RFC3: variants seen among roughly 807,000 people sequenced by gnomAD.
The protein encoded by RFC3 is A1 38 kDa subunit.
RFC3 carries 41 observed loss-of-function variants against 45.1 expected under a neutral mutation model. The observed-to-expected ratio is 0.91, with a 90% confidence interval of 0.71 to 1.18. RFC3 has a LOEUF of 1.18. Ranked by LOEUF, RFC3 falls within the 50% of genes most tolerant of loss-of-function variation. The probability of loss-of-function intolerance (pLI) is 0.00; values close to 1 mark genes in which losing one functional copy is unlikely to be tolerated. For missense variants in RFC3, 423 were observed against 428.1 expected (o/e 0.99, Z 0.10); for synonymous variants, 149 against 144.0 (o/e 1.03, Z -0.25).
At chr13:33,890,136 T>C (rs368981261) in intron 8 of RFC3, among the ~76,000 whole-genome samples, 1 of 152,250 alleles carries the variant, frequency 6.6e-6, no homozygotes, top group South Asian at 2.1e-4. Context: ...TCCGAGGGTG[T>C]TGAGGTTCAG....
chr13:33,939,393 G>A (rs753117961), intron 8 of RFC3, among the ~76,000 whole-genome samples: 13 of 152,082 alleles, frequency 8.5e-5, no homozygotes, highest in African/African-American at 3.1e-4. Context: ...TGACAGTGAG[G>A]CTCAGAGAGC....
At chr13:33,855,966 A>C (rs889875196) in intron 8 of RFC3, among the ~76,000 whole-genome samples, 1 of 152,112 alleles carries the variant, frequency 6.6e-6, no homozygotes, top group Non-Finnish European at 1.5e-5. Context: ...GAAGCTCTTT[A>C]GTTTAATTAG....
chr13:33,941,575 T>G (rs977256188), intron 8 of RFC3, among the ~76,000 whole-genome samples: 1 of 152,210 alleles, frequency 6.6e-6, no homozygotes, highest in African/African-American at 2.4e-5. Flanking sequence ...ATATATACTT[T>G]TATTGTCTTT....
the RFC3 span, among the ~76,000 whole-genome samples, chr13:33,971,787 A>G: frequency 6.6e-6 from 1 of 152,210 alleles, no homozygotes; most frequent in Non-Finnish European, 1.5e-5. Context: ...TCTCTTTAAT[A>G]GTTATGTAAG....
chr13:33,882,680 G>C (rs1367843679), intron 8 of RFC3, among the ~76,000 whole-genome samples: 1 of 152,140 alleles, frequency 6.6e-6, no homozygotes, highest in Non-Finnish European at 1.5e-5. Flanking sequence ...TGTGGTTTAA[G>C]CCACCCAATC....
At chr13:33,890,019 T>G (rs973139934) in intron 8 of RFC3, among the ~76,000 whole-genome samples, 10 of 152,190 alleles carry the variant, frequency 6.6e-5, no homozygotes, top group Non-Finnish European at 1.2e-4. Context: ...CGGTCCTGAC[T>G]TCATGGACCC....
At chr13:33,819,844 A>G (rs2081985371) in intron 1 of RFC3, among the ~76,000 whole-genome samples, 1 of 152,226 alleles carries the variant, frequency 6.6e-6, no homozygotes, top group African/African-American at 2.4e-5. Flanking sequence ...TAATCAAACT[A>G]TGAAACATTT....
chr13:33,973,055 A>C, the RFC3 span, among the ~76,000 whole-genome samples: 5 of 152,274 alleles, frequency 3.3e-5, no homozygotes, highest in Non-Finnish European at 7.4e-5. Context: ...ATAGAAAATA[A>C]CACAAATTAT....
chr13:33,964,749 G>A (rs2083077450), intron 8 of RFC3, among the ~76,000 whole-genome samples: 1 of 152,114 alleles, frequency 6.6e-6, no homozygotes. Flanking sequence ...AAAAATATAG[G>A]TCTATGTCCA....
intron 8 of RFC3, among the ~76,000 whole-genome samples, chr13:33,861,011 G>A (rs1426830850): frequency 2.6e-5 from 4 of 152,022 alleles, no homozygotes; most frequent in South Asian, 2.1e-4. Context: ...TGATCCTCCC[G>A]CCTCAGCCTC....
intron 8 of RFC3, among the ~76,000 whole-genome samples, chr13:33,926,081 C>G (rs2082810353): frequency 6.6e-6 from 1 of 151,490 alleles, no homozygotes. Context: ...AATTGGAAAT[C>G]ATCATTCTCA....
At chr13:33,869,981 T>G (rs747253071) in intron 8 of RFC3, among the ~76,000 whole-genome samples, 56 of 152,190 alleles carry the variant, frequency 3.7e-4, no homozygotes, top group Non-Finnish European at 7.6e-4. Flanking sequence ...TTATCCTTGT[T>G]TGGTGGTTCC....
intron 8 of RFC3, chr13:33,850,184 C>T (rs2082267434): frequency 6.6e-6 from 1 of 151,990 alleles, no homozygotes. Context: ...TTTTCCATTT[C>T]TCACCAGTTT....
intron 8 of RFC3, among the ~76,000 whole-genome samples, chr13:33,936,322 G>A (rs1281022885): frequency 6.6e-6 from 1 of 152,102 alleles, no homozygotes; most frequent in African/African-American, 2.4e-5. Context: ...GATCCTAGGG[G>A]TGGATTTGTA....
At position 33,868,691 on chromosome 13, in the gene RFC3, G is replaced by A. The variant is rs2082388936; in HGVS notation, c.879+33474G>A. Among the ~76,000 whole-genome samples the A allele has an allele frequency of 2.6e-5, 4 of 152,350 alleles. No homozygotes were observed. In the South Asian group the frequency reaches 8.3e-4, roughly 32 times the overall value. Reference sequence around the variant, plus strand: ...ATTCTGTAACCAGTGCTCTTGAGTGGCTTGCTGGAGCCTGCTCCCACTCTG... The same window carrying A: ...ATTCTGTAACCAGTGCTCTTGAGTGACTTGCTGGAGCCTGCTCCCACTCTG... On this transcript the variant is annotated intron_variant, in intron 8 of 8. Transcript: ENST00000434425.
At chr13:33,844,364 A>G (rs1337592370) in intron 8 of RFC3, among the ~76,000 whole-genome samples, 1 of 152,010 alleles carries the variant, frequency 6.6e-6, no homozygotes, top group Non-Finnish European at 1.5e-5. Context: ...CCACCTTCCA[A>G]TTGTTGATTA....
chr13:33,835,213 T>C lies in RFC3; in HGVS notation c.875T>C (p.Met292Thr). ...CATTGTATTCCTCCTGAGATAATAATGAAGGTAACCCAATTTCAGATCTTG... is the reference window on the plus strand; with the variant it reads ...CATTGTATTCCTCCTGAGATAATAACGAAGGTAACCCAATTTCAGATCTTG... ...LTHCIPPEII[M>T]KGLLSELLHN... Residue 292 changes from methionine (M) to threonine (T), a missense_variant, in exon 8 of 9, where the codon ATG becomes ACG. Met to Thr is a moderately conservative substitution (Grantham distance 81). Coordinates refer to ENST00000380071, the MANE Select transcript of RFC3 (RefSeq NM_002915.4). 1.2e-6 allele frequency: 2 copies of C among 1,605,680 alleles called. No homozygotes were observed. Among genetic ancestry groups the C allele is most frequent in the South Asian group, 2.2e-5 (2 of 90,906 alleles).
In RFC3 at chr13:33,898,304, A is replaced by G. The variant is rs145868294; in HGVS notation, c.879+63087A>G. Among the ~76,000 whole-genome samples, 12 of 152,108 alleles carry G rather than the reference A, an allele frequency of 7.9e-5. No homozygotes were observed. In the East Asian group the frequency reaches 2.1e-3, roughly 27 times the overall value. On this transcript the variant is annotated intron_variant, in intron 8 of 8. Transcript: ENST00000434425. ...ATCCAAAAAAGTAGAAACCATTTCA[A>G]TCTTTTCAGATCACAATGGAATAAA...
In RFC3 at chr13:33,892,383, C is replaced by A. The variant is rs1388578532; in HGVS notation, c.879+57166C>A. Among the ~76,000 whole-genome samples the A allele has an allele frequency of 2.0e-5, 3 of 152,200 alleles. No homozygotes were observed. The South Asian group carries it at 6.2e-4, about 32-fold the overall frequency. ...CAACTGAAACTGGAGGGCCTTAAGA[C>A]TTAAAGAAAGGCAGCCTCAGCCTGA... On this transcript the variant is annotated intron_variant, in intron 8 of 8. Coordinates refer to the RFC3 transcript ENST00000434425.
Sources: gnomAD v4.1 joint callset for allele counts (sites outside exome capture counted in the v4.1 genomes callset) on GRCh38, gnomAD v4.1.1 for gene constraint, MANE v1.5 for transcripts, NCBI Gene and HGNC (gene_info 2026-07-23, HGNC 2026-07-21) for gene names.